ZNF362: variants seen among roughly 807,000 people sequenced by gnomAD.
ZNF362 encodes zinc finger protein 362, also known as rotund homolog.
ZNF362 carries 11 observed loss-of-function variants against 42.9 expected under a neutral mutation model. The ratio of observed to expected loss-of-function variants is 0.26; its 90% CI spans 0.16 to 0.42. The LOEUF (loss-of-function observed/expected upper bound fraction) is 0.42. Ranked by LOEUF, ZNF362 falls within the 20% of genes least tolerant of loss-of-function variation. The pLI, the probability that ZNF362 is intolerant of heterozygous loss-of-function variation, is 1.00. For synonymous variants in ZNF362, 255 were observed against 257.3 expected (o/e 0.99, Z 0.09); for missense variants, 362 against 576.2 (o/e 0.63, Z 3.81).
the ZNF362 span, among the ~76,000 whole-genome samples, chr1:33,134,187 A>C: frequency 1.3e-5 from 2 of 152,230 alleles, no homozygotes; most frequent in African/African-American, 2.4e-5. Flanking sequence ...GGCACGTGGC[A>C]GTCCCTCAAT....
At position 33,298,531 on chromosome 1, in the gene ZNF362, TAAGA is replaced by T. The variant is rs1358634801; in HGVS notation, c.1147-394_1147-391del. Among the ~76,000 whole-genome samples, 3 of 152,216 alleles carry T rather than the reference TAAGA, an allele frequency of 2.0e-5. No individual in the cohort carries two copies. The East Asian group carries it at 5.8e-4, about 29-fold the overall frequency. ...GATGACTTGTCCAAGTTCTCACCAC[TAAGA>T]AAGAGCAGAGCTAGGCTCAGACCCA... On this transcript the variant is annotated intron_variant, in intron 8 of 8. Transcript: ENST00000539719.
the ZNF362 span, chr1:33,147,453 G>A: frequency 7.5e-4 from 1,215 of 1,613,944 alleles, 16 homozygotes; most frequent in East Asian, 0.021. This position sits in a 1 kb window ranked among gnomAD's most constrained non-coding sequence, Gnocchi z 8.1. Context: ...AGTAGAAGCC[G>A]CGGCTGGGCT....
At chr1:33,245,071 C>G in the ZNF362 span, among the ~76,000 whole-genome samples, 1 of 152,118 alleles carries the variant, frequency 6.6e-6, no homozygotes, top group Admixed American at 6.5e-5. Flanking sequence ...ATGAATGAAC[C>G]AGGTGTCAGG....
the ZNF362 span, among the ~76,000 whole-genome samples, chr1:33,139,025 G>A: frequency 6.6e-6 from 1 of 152,210 alleles, no homozygotes; most frequent in Non-Finnish European, 1.5e-5. Flanking sequence ...CGCACTGACT[G>A]TTAATAGCTG....
the ZNF362 span, among the ~76,000 whole-genome samples, chr1:33,155,041 C>T: frequency 3.7e-3 from 536 of 145,742 alleles, 5 homozygotes; most frequent in African/African-American, 0.012. Context: ...TGCAGTGAGC[C>T]GAGATCGCGC....
At chr1:33,193,748 G>A in the ZNF362 span, among the ~76,000 whole-genome samples, 2 of 152,192 alleles carry the variant, frequency 1.3e-5, no homozygotes, top group Non-Finnish European at 2.9e-5. Flanking sequence ...AAAGTCCCTT[G>A]TTGAGCAGAA....
intron 4 of ZNF362, among the ~76,000 whole-genome samples, 181 bp downstream of exon 4, chr1:33,276,775 C>A (rs1272049102): frequency 6.6e-6 from 1 of 152,192 alleles, no homozygotes; most frequent in African/African-American, 2.4e-5. Flanking sequence ...CACCGGACTT[C>A]CAACGACCCA....
chr1:33,259,353 A>C (rs1268587143), intron 1 of ZNF362, among the ~76,000 whole-genome samples: 1 of 152,162 alleles, frequency 6.6e-6, no homozygotes, highest in East Asian at 1.9e-4. Context: ...GGCTATCTGC[A>C]GTCTTGGGGG....
the ZNF362 span, among the ~76,000 whole-genome samples, chr1:33,177,078 CATGCATGCACAA>C: frequency 6.9e-6 from 1 of 145,492 alleles, no homozygotes; most frequent in Non-Finnish European, 1.5e-5. The surrounding 1 kb of genome is among the most constrained non-coding windows in gnomAD (Gnocchi z 4.1). Context: ...CACACACACA[CATGCATGCACAA>C]ATGCACACAC....
chr1:33,164,102 G>A, the ZNF362 span: 1 of 152,314 alleles, frequency 6.6e-6, no homozygotes, highest in African/African-American at 2.4e-5. Context: ...GACAGTTGGG[G>A]AAACTGAGGC....
intron 1 of ZNF362, among the ~76,000 whole-genome samples, chr1:33,263,143 CAT>C (rs1161281762): frequency 6.6e-6 from 1 of 152,248 alleles, no homozygotes; most frequent in African/African-American, 2.4e-5. Flanking sequence ...CTTGAGATAA[CAT>C]AGCCTCAAAT....
At chr1:33,211,846 A>G in the ZNF362 span, among the ~76,000 whole-genome samples, 2 of 151,888 alleles carry the variant, frequency 1.3e-5, no homozygotes, top group Admixed American at 1.3e-4. Flanking sequence ...ACTTGGTTCC[A>G]TTCTCCCCAT....
chr1:33,223,894 A>C, the ZNF362 span, among the ~76,000 whole-genome samples: 41 of 91,416 alleles, frequency 4.5e-4, no homozygotes, highest in African/African-American at 1.3e-3. Context: ...ACTCCATCTC[A>C]AAAAAAAAAA....
the ZNF362 span, among the ~76,000 whole-genome samples, chr1:33,219,137 T>A: frequency 2.0e-5 from 3 of 152,198 alleles, no homozygotes; most frequent in African/African-American, 7.2e-5. Flanking sequence ...GAAGTTAGAC[T>A]GGAGTTCAAA....
At chr1:33,172,406 A>T in the ZNF362 span, among the ~76,000 whole-genome samples, 1 of 151,942 alleles carries the variant, frequency 6.6e-6, no homozygotes, top group African/African-American at 2.4e-5. Flanking sequence ...GTGGTTGGGG[A>T]TGGCTGCAGC....
At chr1:33,145,705 A>G in the ZNF362 span, 2 of 359,758 alleles carry the variant, frequency 5.6e-6, no homozygotes, top group South Asian at 2.1e-5. Context: ...TCAGTCTTGC[A>G]GCCCACTCCT....
chr1:33,298,792 G>GA (rs1305298428), intron 8 of ZNF362, 138 bp from the exon 9 acceptor site: 2 of 720,430 alleles, frequency 2.8e-6, no homozygotes, highest in African/African-American at 1.7e-5. Flanking sequence ...ACGCCCATCT[G>GA]ACCCTGCAAA....
At chr1:33,232,134 T>C in the ZNF362 span, among the ~76,000 whole-genome samples, 1 of 152,188 alleles carries the variant, frequency 6.6e-6, no homozygotes, top group Admixed American at 6.5e-5. Context: ...CCAATCATGA[T>C]TATATTCCCC....
Position 33,264,925 on chromosome 1 carries a change from C to G in ZNF362, c.-88-5562C>G, listed in dbSNP as rs566067454. Among the ~76,000 whole-genome samples the G allele has an allele frequency of 6.6e-5, 10 of 152,148 alleles. No homozygotes were observed. In the East Asian group the frequency reaches 1.9e-3, roughly 30 times the overall value. Reference sequence around the variant, plus strand: ...GATACATGCTTTGTAAGTGATTAAGCTGTCCGTTCATGTTCTAAGCATCTT... The same window carrying G: ...GATACATGCTTTGTAAGTGATTAAGGTGTCCGTTCATGTTCTAAGCATCTT... On this transcript the variant is annotated intron_variant, in intron 1 of 8. Transcript: ENST00000539719.
Sources: allele counts gnomAD v4.1 joint callset (sites outside exome capture counted in the v4.1 genomes callset), GRCh38; gene constraint gnomAD v4.1.1; non-coding constraint Gnocchi (gnomAD v3.1); transcripts MANE v1.5; gene names NCBI Gene and HGNC (gene_info 2026-07-23, HGNC 2026-07-21).